Variants in KCNB2 observed in about 807,000 individuals in gnomAD.
The protein encoded by KCNB2 is delayed rectifier potassium channel protein.
A neutral mutation model predicts 61.5 loss-of-function variants in KCNB2; 15 were observed. The observed-to-expected ratio is 0.24, with a 90% CI of 0.16 to 0.38. The LOEUF is 0.38. KCNB2 is among the 10% of genes least tolerant of loss of function. The pLI, the probability that KCNB2 is intolerant of heterozygous loss-of-function variation, is 1.00. For synonymous variants in KCNB2, 457 were observed against 446.0 expected, an observed-to-expected ratio of 1.02 and a Z score of -0.31; for missense variants, 828 against 1,125.2, an observed-to-expected ratio of 0.74 and a Z score of 3.78.
intron 2 of KCNB2, among the ~76,000 whole-genome samples, chr8:72,702,447 G>A (rs1332393272): frequency 6.6e-6 from 1 of 152,090 alleles, no homozygotes; most frequent in Non-Finnish European, 1.5e-5. Context: ...TGCTCTATAG[G>A]TGGCCTGGTT....
intron 2 of KCNB2, among the ~76,000 whole-genome samples, chr8:72,920,469 C>CTATA (rs1168802571): frequency 2.8e-5 from 2 of 71,276 alleles, no homozygotes; most frequent in African/African-American, 1.1e-4. Context: ...ATCTATCTAT[C>CTATA]TATCTATATA....
rs1437715574 is a variant in KCNB2, at chr8:72,793,363, CAATTG to C, written c.580-142570_580-142566del. Among the ~76,000 whole-genome samples, 6 of 152,202 alleles carry C rather than the reference CAATTG, an allele frequency of 3.9e-5. No homozygotes were observed. In the East Asian group the frequency reaches 9.7e-4, roughly 25 times the overall value. On this transcript the variant is annotated intron_variant, in intron 2 of 2. Coordinates refer to ENST00000523207, the MANE Select transcript of KCNB2 (RefSeq NM_004770.3). ...AGGGAAGGCTTATCTGTGGAGGTGACAATTGAGCCAAGAAACAAATGACAAGAAGG... is the reference window on the plus strand; with the variant it reads ...AGGGAAGGCTTATCTGTGGAGGTGACAGCCAAGAAACAAATGACAAGAAGG...
intron 2 of KCNB2, among the ~76,000 whole-genome samples, chr8:72,935,433 G>C (rs1239159654): frequency 3.3e-5 from 5 of 152,208 alleles, no homozygotes; most frequent in African/African-American, 1.2e-4. Context: ...AATATTACCT[G>C]TTCTTAGAAG....
At chr8:72,760,309 AG>A (rs1432285348) in intron 2 of KCNB2, among the ~76,000 whole-genome samples, 1 of 152,228 alleles carries the variant, frequency 6.6e-6, no homozygotes, top group African/African-American at 2.4e-5. Context: ...GTGAGCATTC[AG>A]TGAGGTAATG....
At chr8:72,727,164 CGAAAT>C (rs1339244788) in intron 2 of KCNB2, among the ~76,000 whole-genome samples, 1 of 151,912 alleles carries the variant, frequency 6.6e-6, no homozygotes, top group Non-Finnish European at 1.5e-5. Context: ...GAAATTGAAA[CGAAAT>C]GAAGAGAAAT....
At position 72,632,040 on chromosome 8, in the gene KCNB2, C is replaced by A. The variant is rs530711077; in HGVS notation, c.579+63727C>A. On this transcript the variant is annotated intron_variant, in intron 2 of 2. Transcript: ENST00000523207. ...TCACTTGAGGCCAGGAGTTTGAGAC[C>A]AATCTGGGCAACATGGCAAGACCCC... Among the ~76,000 whole-genome samples the A allele has an allele frequency of 3.3e-5, 5 of 152,024 alleles. No homozygotes were observed. The East Asian group carries it at 9.7e-4, about 30-fold the overall frequency.
chr8:72,650,992 T>C lies in KCNB2; in HGVS notation c.579+82679T>C, dbSNP rs536753856. ...TAGCTTTGGAGCATTGGAAAATGAA[T>C]TGTCAAAATTGACATTCATTTTCCA... On this transcript the variant is annotated intron_variant, in intron 2 of 2. Coordinates refer to ENST00000523207, the MANE Select transcript of KCNB2 (RefSeq NM_004770.3). 5.3e-5 allele frequency among the ~76,000 whole-genome samples: 8 copies of C among 152,266 alleles called. No individual in the cohort carries two copies. In the South Asian group the frequency reaches 8.3e-4, roughly 16 times the overall value.
chr8:72,688,470 TC>T (rs918090319), intron 2 of KCNB2, among the ~76,000 whole-genome samples: 3 of 151,874 alleles, frequency 2.0e-5, no homozygotes, highest in African/African-American at 4.8e-5. Flanking sequence ...AAAAAATATC[TC>T]CCCCAACAAT....
intron 2 of KCNB2, among the ~76,000 whole-genome samples, chr8:72,895,136 C>T (rs1004677163): frequency 2.0e-5 from 3 of 152,014 alleles, no homozygotes; most frequent in African/African-American, 7.2e-5. Context: ...ATGATGTTCC[C>T]CTAAAGATGT....
At chr8:72,572,408 A>G (rs1419131866) in intron 2 of KCNB2, among the ~76,000 whole-genome samples, 4 of 152,164 alleles carry the variant, frequency 2.6e-5, no homozygotes, top group Non-Finnish European at 5.9e-5. Context: ...AAACAGTGAG[A>G]GCACCCAGCA....
intron 2 of KCNB2, among the ~76,000 whole-genome samples, chr8:72,678,534 A>C (rs2256822): frequency 2.0e-5 from 3 of 151,988 alleles, no homozygotes; most frequent in Non-Finnish European, 4.4e-5. Flanking sequence ...CCTCTGATGC[A>C]TTTCTGCCAG....
At chr8:72,871,310 T>C (rs919864644) in intron 2 of KCNB2, among the ~76,000 whole-genome samples, 3 of 152,224 alleles carry the variant, frequency 2.0e-5, no homozygotes, top group African/African-American at 2.4e-5. Flanking sequence ...TAGATGTTTA[T>C]TGAATGAATT....
intron 2 of KCNB2, among the ~76,000 whole-genome samples, chr8:72,781,150 T>C (rs190826423): frequency 6.6e-6 from 1 of 152,354 alleles, no homozygotes; most frequent in Non-Finnish European, 1.5e-5. Flanking sequence ...AAAAATTTTC[T>C]CCCATTCTGT....
At chr8:72,846,577 A>ACC (rs1199534613) in intron 2 of KCNB2, among the ~76,000 whole-genome samples, 64 of 151,360 alleles carry the variant, frequency 4.2e-4, no homozygotes, top group African/African-American at 1.1e-3. Context: ...GAAAAAAAAA[A>ACC]CCATCAAAAA....
intron 2 of KCNB2, among the ~76,000 whole-genome samples, chr8:72,784,265 A>G (rs1413415524): frequency 6.6e-6 from 1 of 151,184 alleles, no homozygotes. Flanking sequence ...ACCACCCACA[A>G]CCCCCTACTC....
At chr8:72,714,538 G>A (rs1311193213) in intron 2 of KCNB2, among the ~76,000 whole-genome samples, 1 of 152,068 alleles carries the variant, frequency 6.6e-6, no homozygotes, top group Non-Finnish European at 1.5e-5. Context: ...TTTCAACCCA[G>A]AATTTCATAT....
intron 2 of KCNB2, among the ~76,000 whole-genome samples, chr8:72,733,710 G>T (rs1179314443): frequency 1.3e-5 from 2 of 152,128 alleles, no homozygotes; most frequent in African/African-American, 4.8e-5. Context: ...AGGACAGCAA[G>T]GAAGAGGAGT....
chr8:72,561,725 A>ATATATGTG (rs1806523781), intron 1 of KCNB2, among the ~76,000 whole-genome samples: 4 of 28,328 alleles, frequency 1.4e-4, no homozygotes, highest in African/African-American at 8.6e-4. Context: ...ATATATATAT[A>ATATATGTG]TATCTATATC....
chr8:72,578,096 G>A (rs1020759511), intron 2 of KCNB2, among the ~76,000 whole-genome samples: 3 of 152,088 alleles, frequency 2.0e-5, no homozygotes, highest in African/African-American at 7.2e-5. Flanking sequence ...TCAGGATTTG[G>A]TTGAATTAAA....
Sources: gnomAD v4.1 joint callset for allele counts (sites outside exome capture counted in the v4.1 genomes callset) on GRCh38, gnomAD v4.1.1 for gene constraint, MANE v1.5 for transcripts, NCBI Gene and HGNC (gene_info 2026-07-23, HGNC 2026-07-21) for gene names.